The following ZFPM2 variants were observed in gnomAD, a reference collection of about 807,000 sequenced individuals.
ZFPM2 encodes zinc finger protein, FOG family member 2.
In ZFPM2, 20 loss-of-function variants were observed where a neutral mutation model predicts 98.6. That is an observed-to-expected ratio of 0.20 (90% CI 0.14 to 0.29). The LOEUF (loss-of-function observed/expected upper bound fraction) is 0.29. ZFPM2 is among the 10% of genes least tolerant of loss of function. The pLI is 1.00. For synonymous variants in ZFPM2, 518 were observed against 502.7 expected, an observed-to-expected ratio of 1.03 and a Z score of -0.41; for missense variants, 1,310 against 1,388.6, an observed-to-expected ratio of 0.94 and a Z score of 0.90.
intron 3 of ZFPM2, among the ~76,000 whole-genome samples, chr8:105,527,551 T>C (rs1432105217): frequency 2.6e-5 from 4 of 152,222 alleles, no homozygotes; most frequent in Non-Finnish European, 5.9e-5. Flanking sequence ...GACTGAGTCT[T>C]ATTAAAGGGG....
At chr8:105,329,120 C>T (rs1240099357) in intron 1 of ZFPM2, among the ~76,000 whole-genome samples, 4 of 151,938 alleles carry the variant, frequency 2.6e-5, no homozygotes, top group East Asian at 1.9e-4. Context: ...AACAGAGAAA[C>T]GAAGAGAGCG....
chr8:105,528,911 G>A (rs1225731780), intron 3 of ZFPM2: 1 of 152,186 alleles, frequency 6.6e-6, no homozygotes, highest in Non-Finnish European at 1.5e-5. Context: ...TTCAGAGTCT[G>A]AAGTAAAGAA....
At chr8:105,632,577 A>G (rs1816773965) in intron 4 of ZFPM2, among the ~76,000 whole-genome samples, 1 of 152,228 alleles carries the variant, frequency 6.6e-6, no homozygotes, top group Non-Finnish European at 1.5e-5. Flanking sequence ...CTATCATTTC[A>G]TATAGAACAA....
At chr8:105,720,454 T>A (rs1457983623) in intron 5 of ZFPM2, among the ~76,000 whole-genome samples, 1 of 151,926 alleles carries the variant, frequency 6.6e-6, no homozygotes, top group African/African-American at 2.4e-5. Context: ...AATTTATGAT[T>A]AATTTACTAC....
chr8:105,472,797 C>A (rs551858124), intron 3 of ZFPM2, among the ~76,000 whole-genome samples: 4 of 151,830 alleles, frequency 2.6e-5, no homozygotes, highest in Admixed American at 2.0e-4. Flanking sequence ...CGTGAGCCAC[C>A]GCGCCTGGCC....
chr8:105,333,245 T>G (rs1283206046), intron 1 of ZFPM2, among the ~76,000 whole-genome samples: 1 of 151,764 alleles, frequency 6.6e-6, no homozygotes, highest in Non-Finnish European at 1.5e-5. Flanking sequence ...TAGATACGGA[T>G]TTAATAACAA....
At chr8:105,662,132 A>G (rs1237686596) in intron 5 of ZFPM2, among the ~76,000 whole-genome samples, 4 of 152,132 alleles carry the variant, frequency 2.6e-5, no homozygotes, top group Admixed American at 2.6e-4. Flanking sequence ...GTGATGGAGG[A>G]GGCAGGGAGG....
intron 5 of ZFPM2, among the ~76,000 whole-genome samples, chr8:105,640,842 C>G (rs1250290148): frequency 1.3e-5 from 2 of 151,874 alleles, no homozygotes; most frequent in East Asian, 3.9e-4. Context: ...AAATAATAAA[C>G]TAATTTAAAA....
At chr8:105,589,281 C>T (rs943735503) in intron 4 of ZFPM2, among the ~76,000 whole-genome samples, 1 of 152,068 alleles carries the variant, frequency 6.6e-6, no homozygotes, top group East Asian at 1.9e-4. Flanking sequence ...AATGACAATC[C>T]CCAATTTTAT....
chr8:105,463,332 A>T (rs1487456638), intron 3 of ZFPM2, among the ~76,000 whole-genome samples: 3 of 151,818 alleles, frequency 2.0e-5, no homozygotes, highest in Non-Finnish European at 4.4e-5. Flanking sequence ...TAGAGTTTTT[A>T]TAAGCTATAT....
intron 1 of ZFPM2, among the ~76,000 whole-genome samples, chr8:105,330,538 C>CTG (rs1554594944): frequency 1.0e-5 from 1 of 100,128 alleles, no homozygotes; most frequent in Non-Finnish European, 1.9e-5. Context: ...CTCTCTCTCT[C>CTG]TATATATATA....
chr8:105,681,868 TTTAGTG>T (rs1414328294), intron 5 of ZFPM2, among the ~76,000 whole-genome samples: 1 of 152,048 alleles, frequency 6.6e-6, no homozygotes, highest in East Asian at 1.9e-4. Context: ...ATAATTAAGG[TTTAGTG>T]TCTGCCTTCC....
At chr8:105,419,107 C>T in intron 1 of ZFPM2, 37 bp from the exon 2 acceptor site, 3 of 1,593,278 alleles carry the variant, frequency 1.9e-6, no homozygotes, top group Non-Finnish European at 2.6e-6. Context: ...GTCTTCCTTG[C>T]ATATTTTTGG....
intron 3 of ZFPM2, among the ~76,000 whole-genome samples, chr8:105,495,713 A>G (rs1813453092): frequency 1.3e-5 from 2 of 150,284 alleles, no homozygotes; most frequent in African/African-American, 2.5e-5. Flanking sequence ...TTAACATTTC[A>G]TCGTTTTTTT....
chr8:105,375,941 CT>C (rs1240688273), intron 1 of ZFPM2, among the ~76,000 whole-genome samples: 1 of 152,042 alleles, frequency 6.6e-6, no homozygotes, highest in Non-Finnish European at 1.5e-5. Context: ...TCACAAAATC[CT>C]TTCTTAACCC....
At chr8:105,432,915 T>C (rs1383348641) in intron 2 of ZFPM2, among the ~76,000 whole-genome samples, 26 of 151,942 alleles carry the variant, frequency 1.7e-4, no homozygotes, top group Admixed American at 1.7e-3. Context: ...GCCTGGGCAA[T>C]ACAGTGAGAC....
At chr8:105,577,816 T>C (rs1586475052) in intron 4 of ZFPM2, among the ~76,000 whole-genome samples, 1 of 151,602 alleles carries the variant, frequency 6.6e-6, no homozygotes, top group South Asian at 2.1e-4. Flanking sequence ...ATGCATGCAG[T>C]GAAAAGTGCT....
intron 1 of ZFPM2, among the ~76,000 whole-genome samples, chr8:105,365,232 A>G (rs1478919618): frequency 6.6e-6 from 1 of 152,174 alleles, no homozygotes; most frequent in Non-Finnish European, 1.5e-5. Flanking sequence ...GGAAGAGATC[A>G]TTGGCCTTTC....
intron 4 of ZFPM2, among the ~76,000 whole-genome samples, chr8:105,609,233 G>C (rs1338336564): frequency 6.6e-6 from 1 of 152,092 alleles, no homozygotes; most frequent in Non-Finnish European, 1.5e-5. Flanking sequence ...GGTTCAAACT[G>C]GTAGAGAGGA....
Sources: allele counts gnomAD v4.1 joint callset (sites outside exome capture counted in the v4.1 genomes callset), GRCh38; gene constraint gnomAD v4.1.1; transcripts MANE v1.5; gene names NCBI Gene and HGNC (gene_info 2026-07-23, HGNC 2026-07-21).